The following KYNU variants were observed in gnomAD, a reference collection of about 807,000 sequenced individuals.
The protein encoded by KYNU is kynureninase.
Under a neutral mutation model 59.2 loss-of-function variants are expected in KYNU, and 54 were observed. The ratio of observed to expected loss-of-function variants is 0.91; its 90% CI spans 0.73 to 1.14. The LOEUF is 1.14. KYNU is among the 50% of genes most tolerant of loss of function. The pLI is 0.00. For missense variants in KYNU, 567 were observed against 554.4 expected (o/e 1.02, Z -0.23); for synonymous variants, 177 against 192.0 (o/e 0.92, Z 0.65).
intron 12 of KYNU, among the ~76,000 whole-genome samples, chr2:143,034,191 A>G (rs1375404610): frequency 6.6e-6 from 1 of 151,434 alleles, no homozygotes; most frequent in African/African-American, 2.4e-5. Flanking sequence ...AAGTAATTGT[A>G]TATTTTGTAT....
chr2:142,974,156 T>C (rs1012145037), intron 8 of KYNU, among the ~76,000 whole-genome samples: 1 of 152,202 alleles, frequency 6.6e-6, no homozygotes, highest in African/African-American at 2.4e-5. Flanking sequence ...GATAAGTACA[T>C]GCCCAGAAGA....
rs555430891 is a variant in KYNU at position 143,043,052 on chromosome 2, C to T, written c.*880C>T. 1 of 151,956 alleles carries T rather than the reference C, an allele frequency of 6.6e-6. No individual in the cohort carries two copies. The highest frequency in any genetic ancestry group is 2.4e-5 in the African/African-American group (1 of 41,500). 9.4% of individuals were successfully genotyped at this position (151,956 alleles called of 1,614,324 possible). A position where few individuals can be genotyped will look rare whatever the true frequency, so the allele number is the denominator to read the frequency against. ...GTTGGAAACTCATTATATTGATTTC[C>T]TTACCCACTCATGGGCCCTAATTCA... On this transcript the variant is annotated 3_prime_UTR_variant, in exon 14 of 14. Transcript: ENST00000264170.
At chr2:142,943,612 GCTTA>G (rs1464606132) in intron 4 of KYNU, among the ~76,000 whole-genome samples, 1 of 152,074 alleles carries the variant, frequency 6.6e-6, no homozygotes, top group Non-Finnish European at 1.5e-5. Flanking sequence ...TTATTATTAA[GCTTA>G]CTTCTCCCTG....
At chr2:142,990,355 TA>T (rs971414008) in intron 10 of KYNU, among the ~76,000 whole-genome samples, 2 of 151,836 alleles carry the variant, frequency 1.3e-5, no homozygotes, top group Non-Finnish European at 2.9e-5. Flanking sequence ...TTGAATGTTT[TA>T]AAAAAAGTTA....
chr2:142,939,421 G>C (rs1683504377), intron 4 of KYNU, among the ~76,000 whole-genome samples: 1 of 151,780 alleles, frequency 6.6e-6, no homozygotes, highest in Non-Finnish European at 1.5e-5. Flanking sequence ...TACCAACATG[G>C]TGAAACGCTG....
At chr2:142,951,372 G>A (rs1160016905) in intron 4 of KYNU, among the ~76,000 whole-genome samples, 1 of 152,118 alleles carries the variant, frequency 6.6e-6, no homozygotes, top group African/African-American at 2.4e-5. Flanking sequence ...GCCTGGACAT[G>A]GTAAAACCCT....
chr2:143,046,099 G>A lies in KYNU; in HGVS notation c.*3927G>A, dbSNP rs924209563. The A allele has an allele frequency of 6.6e-6, 1 of 151,894 alleles. No individual in the cohort carries two copies. The highest frequency in any genetic ancestry group is 2.4e-5 in the African/African-American group (1 of 41,358). The allele number at this position is 151,894 out of a possible 1,614,324, so 9.4% of individuals were successfully genotyped here. On this transcript the variant is annotated 3_prime_UTR_variant, in exon 14 of 14. Coordinates refer to ENST00000264170, the MANE Select transcript of KYNU (RefSeq NM_003937.3). ...TCAGCACCATGTACTCAACACCTAG[G>A]TTAAAAAATAGCATTAAAAATTCTC...
chr2:143,042,249 T>A lies in KYNU; in HGVS notation c.*77T>A. On this transcript the variant is annotated 3_prime_UTR_variant, in exon 14 of 14. Coordinates refer to ENST00000264170, the MANE Select transcript of KYNU (RefSeq NM_003937.3). ...ATTTCAGTATTATTCGATTTTTAATTATTGAAAGTATGTCACCATTGACCA... is the reference window on the plus strand; with the variant it reads ...ATTTCAGTATTATTCGATTTTTAATAATTGAAAGTATGTCACCATTGACCA... The A allele has an allele frequency of 7.4e-7, 1 of 1,348,724 alleles. No homozygotes were observed. Among genetic ancestry groups the A allele is most frequent in the Non-Finnish European group, 1.0e-6 (1 of 955,110 alleles). The allele number at this position is 1,348,724 out of a possible 1,614,324, so 83.5% of individuals were successfully genotyped here.
At chr2:142,996,316 T>C (rs944994832) in intron 10 of KYNU, among the ~76,000 whole-genome samples, 1 of 152,130 alleles carries the variant, frequency 6.6e-6, no homozygotes, top group Non-Finnish European at 1.5e-5. Flanking sequence ...AGAAAGTCTA[T>C]ACCTATTCAT....
chr2:143,027,023 G>C (rs574119341), intron 10 of KYNU, among the ~76,000 whole-genome samples: 1 of 152,162 alleles, frequency 6.6e-6, no homozygotes, highest in African/African-American at 2.4e-5. Context: ...AGCAACATTT[G>C]AGCGGGAAAA....
intron 8 of KYNU, among the ~76,000 whole-genome samples, chr2:142,974,231 A>C (rs1418172657): frequency 6.6e-6 from 1 of 152,222 alleles, no homozygotes; most frequent in Non-Finnish European, 1.5e-5. Context: ...TGAGGGCCTC[A>C]GTAAAGGGAA....
chr2:142,967,315 T>G (rs547069815), intron 8 of KYNU: 60 of 152,248 alleles, frequency 3.9e-4, no homozygotes, highest in African/African-American at 1.3e-3. Context: ...TTTTTTCAGC[T>G]TACTAAAAGT....
Position 143,044,798 on chromosome 2 carries a change from TA to T in KYNU, c.*2627del, listed in dbSNP as rs1374880142. On this transcript the variant is annotated 3_prime_UTR_variant, in exon 14 of 14. Transcript: ENST00000264170. The stretch of plus-strand genomic sequence containing the variant: ...GTAGGTTGCCCGATCACTCTGATGA[TA>T]GTTTCTTTTGCTGTGTAGAAGCTCT... 1.3e-5 allele frequency: 2 copies of T among 152,190 alleles called. No individual in the cohort carries two copies. The highest frequency in any genetic ancestry group is 4.8e-5 in the African/African-American group (2 of 41,466). The allele number at this position is 152,190 out of a possible 1,614,324, so 9.4% of individuals were successfully genotyped here.
intron 10 of KYNU, among the ~76,000 whole-genome samples, chr2:142,990,315 TAA>T (rs972263692): frequency 6.6e-5 from 10 of 151,892 alleles, no homozygotes; most frequent in Non-Finnish European, 7.4e-5. Context: ...AATGTTTCAC[TAA>T]AAACATGCTT....
intron 12 of KYNU, among the ~76,000 whole-genome samples, chr2:143,034,724 T>C (rs1398805904): frequency 3.9e-5 from 6 of 152,226 alleles, no homozygotes; most frequent in Non-Finnish European, 8.8e-5. Context: ...ATTTGAGTTG[T>C]TTTTATAGTA....
At position 143,042,889 on chromosome 2, in the gene KYNU, T is replaced by C. The variant is rs1169259791; in HGVS notation, c.*717T>C. The C allele has an allele frequency of 1.3e-5, 2 of 151,714 alleles. No individual in the cohort carries two copies. Among genetic ancestry groups the C allele is most frequent in the African/African-American group, 4.8e-5 (2 of 41,352 alleles). The allele number at this position is 151,714 out of a possible 1,614,324, so 9.4% of individuals were successfully genotyped here. A position where few individuals can be genotyped will look rare whatever the true frequency, so the allele number is the denominator to read the frequency against. On this transcript the variant is annotated 3_prime_UTR_variant, in exon 14 of 14. Coordinates refer to ENST00000264170, the MANE Select transcript of KYNU (RefSeq NM_003937.3). ...ATTGGCCATCTTTCTCGTTACCATCTATGAAATTAGCATGCATCTCAAATA... is the reference window on the plus strand; with the variant it reads ...ATTGGCCATCTTTCTCGTTACCATCCATGAAATTAGCATGCATCTCAAATA...
chr2:142,929,657 G>A (rs565549974), intron 4 of KYNU, among the ~76,000 whole-genome samples: 8 of 152,252 alleles, frequency 5.3e-5, no homozygotes, highest in African/African-American at 1.7e-4. Flanking sequence ...GGGGACAGGC[G>A]CACAGGTGGG....
chr2:142,887,219 A>G (rs1199107342), intron 2 of KYNU, among the ~76,000 whole-genome samples: 1 of 152,138 alleles, frequency 6.6e-6, no homozygotes, highest in African/African-American at 2.4e-5. Flanking sequence ...CTCACTAATC[A>G]CCAGGAAAAT....
At chr2:143,003,560 T>C (rs1388443752) in intron 10 of KYNU, among the ~76,000 whole-genome samples, 1 of 152,168 alleles carries the variant, frequency 6.6e-6, no homozygotes, top group African/African-American at 2.4e-5. Flanking sequence ...CCAGCCTGGG[T>C]GGCAGAGTGA....
Sources: gnomAD v4.1 joint callset for allele counts (sites outside exome capture counted in the v4.1 genomes callset) on GRCh38, gnomAD v4.1.1 for gene constraint, MANE v1.5 for transcripts, NCBI Gene and HGNC (gene_info 2026-07-23, HGNC 2026-07-21) for gene names.